Variants in TASP1 observed in about 807,000 individuals in gnomAD.
TASP1 encodes threonine aspartase 1.
TASP1 carries 16 observed loss-of-function variants against 56.6 expected under a neutral mutation model. That is an observed-to-expected ratio of 0.28 (90% CI 0.19 to 0.43). The LOEUF (loss-of-function observed/expected upper bound fraction) is 0.43. Among genes scored for constraint, TASP1 ranks in the 20% least tolerant of loss-of-function variants. TASP1 has a pLI of 1.00. For missense variants in TASP1, 393 were observed against 511.6 expected, an observed-to-expected ratio of 0.77 and a Z score of 2.24; for synonymous variants, 179 against 184.2, an observed-to-expected ratio of 0.97 and a Z score of 0.23.
At chr20:13,628,155 A>G (rs1326309312) in intron 2 of TASP1, among the ~76,000 whole-genome samples, 1 of 152,226 alleles carries the variant, frequency 6.6e-6, no homozygotes, top group East Asian at 1.9e-4. Context: ...ATAGCTTCTG[A>G]ATTCCATTAT....
At chr20:13,426,483 G>C (rs2042621441) in intron 12 of TASP1, among the ~76,000 whole-genome samples, 1 of 152,040 alleles carries the variant, frequency 6.6e-6, no homozygotes, top group South Asian at 2.1e-4. Flanking sequence ...TCTCATGATG[G>C]AGAAGAAAAT....
the TASP1 span, among the ~76,000 whole-genome samples, chr20:13,266,542 G>T: frequency 6.6e-6 from 1 of 152,136 alleles, no homozygotes; most frequent in Admixed American, 6.5e-5. Flanking sequence ...TTAACTCATA[G>T]ATAGTTAACT....
At chr20:13,455,597 AC>A (rs2043802384) in intron 11 of TASP1, among the ~76,000 whole-genome samples, 1 of 152,140 alleles carries the variant, frequency 6.6e-6, no homozygotes, top group African/African-American at 2.4e-5. Context: ...TCAGCAGTTT[AC>A]AAATGCATTA....
At chr20:13,111,423 T>C in the TASP1 span, among the ~76,000 whole-genome samples, 2 of 152,168 alleles carry the variant, frequency 1.3e-5, no homozygotes, top group African/African-American at 4.8e-5. Context: ...TGGCATATGG[T>C]GGACAGAGGC....
At chr20:13,457,985 C>T (rs538134873) in intron 11 of TASP1, among the ~76,000 whole-genome samples, 20 of 152,226 alleles carry the variant, frequency 1.3e-4, no homozygotes, top group African/African-American at 4.6e-4. Context: ...ATCTAAATTT[C>T]AAGAAAGATG....
intron 6 of TASP1, among the ~76,000 whole-genome samples, chr20:13,570,413 TC>T (rs1276506962): frequency 6.6e-6 from 1 of 152,088 alleles, no homozygotes; most frequent in African/African-American, 2.4e-5. Flanking sequence ...AGTTTTCCAC[TC>T]CCTATTTTTT....
At chr20:13,572,214 A>C (rs537830891) in intron 6 of TASP1, among the ~76,000 whole-genome samples, 1 of 152,330 alleles carries the variant, frequency 6.6e-6, no homozygotes, top group South Asian at 2.1e-4. Context: ...AAAGCATACT[A>C]AACATTAAAT....
At chr20:13,501,324 A>G (rs1199303502) in intron 10 of TASP1, among the ~76,000 whole-genome samples, 1 of 152,064 alleles carries the variant, frequency 6.6e-6, no homozygotes, top group Non-Finnish European at 1.5e-5. Context: ...GTTTAAAAGT[A>G]TATATATTTA....
chr20:13,124,646 C>T, the TASP1 span, among the ~76,000 whole-genome samples: 2 of 152,152 alleles, frequency 1.3e-5, no homozygotes, highest in Non-Finnish European at 2.9e-5. Context: ...TGGTTCCCCT[C>T]ATGGACCAGG....
At chr20:13,263,966 TTTTG>T in the TASP1 span, among the ~76,000 whole-genome samples, 12,725 of 152,208 alleles carry the variant, frequency 0.084, 621 homozygotes, top group East Asian at 0.17. Context: ...CCTAGGGTTT[TTTTG>T]TTTTTCTTTA....
chr20:13,573,692 G>A (rs1247071190), intron 6 of TASP1, among the ~76,000 whole-genome samples: 1 of 152,032 alleles, frequency 6.6e-6, no homozygotes, highest in Non-Finnish European at 1.5e-5. Flanking sequence ...TGGACAAGAT[G>A]GAGTAACAGG....
the TASP1 span, chr20:13,299,492 T>TGGA: frequency 6.4e-7 from 1 of 1,565,280 alleles, no homozygotes; most frequent in South Asian, 1.2e-5. This position sits in a 1 kb window ranked among gnomAD's most constrained non-coding sequence, Gnocchi z 5.8. Context: ...ACGCTGCCTC[T>TGGA]GGTTCTGGAG....
chr20:13,113,447 A>G, the TASP1 span, among the ~76,000 whole-genome samples: 1 of 152,116 alleles, frequency 6.6e-6, no homozygotes, highest in Admixed American at 6.5e-5. Flanking sequence ...CCCCAAAGAG[A>G]GCAGTCAGCC....
the TASP1 span, among the ~76,000 whole-genome samples, chr20:13,364,435 G>A: frequency 6.6e-6 from 1 of 152,162 alleles, no homozygotes; most frequent in Admixed American, 6.5e-5. Context: ...GAAGGGTATG[G>A]AGAGTCAGAG....
At chr20:13,333,840 T>C in the TASP1 span, among the ~76,000 whole-genome samples, 1 of 152,240 alleles carries the variant, frequency 6.6e-6, no homozygotes, top group African/African-American at 2.4e-5. Context: ...TAGCCTTTCG[T>C]TGAAGACTAA....
chr20:13,395,736 C>CT (rs1182891590), intron 13 of TASP1, among the ~76,000 whole-genome samples: 2 of 148,194 alleles, frequency 1.3e-5, no homozygotes, highest in Non-Finnish European at 3.0e-5. Flanking sequence ...CAGTCTCACT[C>CT]TGTCACCCAG....
At chr20:13,627,844 A>G (rs537130243) in intron 2 of TASP1, among the ~76,000 whole-genome samples, 1 of 152,218 alleles carries the variant, frequency 6.6e-6, no homozygotes, top group African/African-American at 2.4e-5. Context: ...TTTTTCCTGT[A>G]AATAATTAGG....
At chr20:13,461,873 CCT>C (rs1037876060) in intron 11 of TASP1, among the ~76,000 whole-genome samples, 11 of 152,140 alleles carry the variant, frequency 7.2e-5, no homozygotes, top group Admixed American at 7.2e-4. Context: ...TAGTCCAACC[CCT>C]GAGGCAGACA....
the TASP1 span, among the ~76,000 whole-genome samples, chr20:13,360,938 G>C: frequency 6.6e-6 from 1 of 152,060 alleles, no homozygotes; most frequent in Non-Finnish European, 1.5e-5. Context: ...TATTGATGGC[G>C]GTTCCACCAG....
Sources: allele counts gnomAD v4.1 joint callset (sites outside exome capture counted in the v4.1 genomes callset), GRCh38; gene constraint gnomAD v4.1.1; non-coding constraint Gnocchi (gnomAD v3.1); transcripts MANE v1.5; gene names NCBI Gene and HGNC (gene_info 2026-07-23, HGNC 2026-07-21).